Variants in ERGIC1 observed in about 807,000 individuals in gnomAD.
ERGIC1 encodes endoplasmic reticulum-golgi intermediate compartment 1, also known as endoplasmic reticulum-Golgi intermediate compartment protein 1.
ERGIC1 carries 19 observed loss-of-function variants against 38.3 expected under a neutral mutation model. The observed-to-expected ratio is 0.50, with a 90% CI of 0.35 to 0.73. The LOEUF is 0.73. ERGIC1 is among the 30% of genes least tolerant of loss of function. The probability of loss-of-function intolerance (pLI) is 0.01; values close to 1 mark genes in which losing one functional copy is unlikely to be tolerated. For missense variants in ERGIC1, 294 were observed against 389.2 expected (o/e 0.76, Z 2.06); for synonymous variants, 124 against 157.6 (o/e 0.79, Z 1.60).
intron 9 of ERGIC1, chr5:172,937,075 G>C (rs1763900776): frequency 6.6e-6 from 1 of 152,142 alleles, no homozygotes; most frequent in Non-Finnish European, 1.5e-5. Flanking sequence ...ATGAGCCTCA[G>C]AACAGTTTTT....
In ERGIC1 at chr5:172,952,637, T is replaced by TC. The variant is rs1405398128; in HGVS notation, c.*1825dup. ...AAGGGAAAAAAATGTTTTAGTTCTT[T>TC]CCCCACTCGTTGGGTTCAACTAGAT... is the stretch of plus-strand genomic sequence containing the variant. On this transcript the variant is annotated 3_prime_UTR_variant, in exon 10 of 10. Coordinates refer to ENST00000393784, the MANE Select transcript of ERGIC1 (RefSeq NM_001031711.3). 1 of 152,114 alleles carries TC rather than the reference T, an allele frequency of 6.6e-6. No homozygotes were observed. The highest frequency in any genetic ancestry group is 1.5e-5 in the Non-Finnish European group (1 of 68,016). 9.4% of individuals were successfully genotyped at this position (152,114 alleles called of 1,614,324 possible). A position where few individuals can be genotyped will look rare whatever the true frequency, so the allele number is the denominator to read the frequency against.
At chr5:172,916,125 C>G (rs1428347021) in intron 5 of ERGIC1, 2 of 153,566 alleles carry the variant, frequency 1.3e-5, no homozygotes, top group African/African-American at 4.8e-5. Flanking sequence ...GCTGGAAGGC[C>G]AGGCCTGGTC....
chr5:172,838,973 G>C (rs1484162027), intron 1 of ERGIC1, among the ~76,000 whole-genome samples: 2 of 152,144 alleles, frequency 1.3e-5, no homozygotes, highest in Non-Finnish European at 2.9e-5. Flanking sequence ...GAGCGCTGTG[G>C]CTCATGCCTG....
At chr5:172,867,589 C>A (rs765730365) in intron 1 of ERGIC1, 3 of 408,286 alleles carry the variant, frequency 7.3e-6, no homozygotes, top group South Asian at 5.1e-5. Flanking sequence ...TCCTAGCCGC[C>A]CCCTGTCCTC....
At chr5:172,866,969 A>T (rs191183096) in intron 1 of ERGIC1, 19 of 347,648 alleles carry the variant, frequency 5.5e-5, no homozygotes, top group Admixed American at 1.4e-4. Flanking sequence ...GAAAAAATGC[A>T]TGAATGTGGA....
In ERGIC1 at chr5:172,951,429, A is replaced by T. The variant is rs1237183517; in HGVS notation, c.*613A>T. On this transcript the variant is annotated 3_prime_UTR_variant, in exon 10 of 10. Transcript: ENST00000393784. ...CTGCCCAACCTAGAACCCAGGCCTCAAGTCTTTACCCCACCCCTTTCTTGT... is the reference window on the plus strand; with the variant it reads ...CTGCCCAACCTAGAACCCAGGCCTCTAGTCTTTACCCCACCCCTTTCTTGT... The T allele has an allele frequency of 6.6e-6, 1 of 152,250 alleles. No homozygotes were observed. Among genetic ancestry groups the T allele is most frequent in the Non-Finnish European group, 1.5e-5 (1 of 68,124 alleles). 9.4% of individuals were successfully genotyped at this position (152,250 alleles called of 1,614,324 possible). A position where few individuals can be genotyped will look rare whatever the true frequency, so the allele number is the denominator to read the frequency against.
rs557008525 is a variant in ERGIC1 at position 172,883,715 on chromosome 5, C to G, written c.21-4984C>G. ...ATGATGCCTGGGCCAGGCACAGTGGCTCATGCCTGTAATCCCAATACTTTG... is the reference window on the plus strand; with the variant it reads ...ATGATGCCTGGGCCAGGCACAGTGGGTCATGCCTGTAATCCCAATACTTTG... On this transcript the variant is annotated intron_variant, in intron 1 of 9. Transcript: ENST00000393784. Among the ~76,000 whole-genome samples, 4 of 152,330 alleles carry G rather than the reference C, an allele frequency of 2.6e-5. No individual in the cohort carries two copies. In the South Asian group the frequency reaches 8.3e-4, roughly 32 times the overall value.
chr5:172,924,023 G>A lies in ERGIC1; in HGVS notation c.394G>A (p.Val132Met), dbSNP rs183246461. 2.1e-4 allele frequency: 336 copies of A among 1,614,120 alleles called. No homozygotes were observed. The highest frequency in any genetic ancestry group is 2.7e-4 in the Non-Finnish European group (324 of 1,180,030). Residue 132 changes from valine (V) to methionine (M), a missense_variant, in exon 6 of 10, where the codon GTG becomes ATG. Around this residue, in one of 3 missense-constraint regions of ERGIC1, gnomAD observed 163 missense variants for 225.8 expected, o/e 0.72. Transcript: ENST00000393784. Reference protein sequence around the residue: ...SINKVPGNFHVSTHSATAQPQ... With the variant: ...SINKVPGNFHMSTHSATAQPQ... ...CCCCCAGGTCCCCGGCAACTTCCAC[G>A]TGTCCACACACAGTGCCACAGCCCA...
chr5:172,872,697 C>T (rs1762046401), intron 1 of ERGIC1, among the ~76,000 whole-genome samples: 1 of 152,172 alleles, frequency 6.6e-6, no homozygotes, highest in Non-Finnish European at 1.5e-5. Context: ...TGCCTGTAAT[C>T]TCAGCTACTC....
At chr5:172,923,864 C>T in intron 5 of ERGIC1, 141 bp from the exon 6 acceptor site, 5 of 733,724 alleles carry the variant, frequency 6.8e-6, no homozygotes, top group Non-Finnish European at 1.2e-5. Flanking sequence ...CTCCTTTGCA[C>T]AGTTGAAAAT....
intron 7 of ERGIC1, among the ~76,000 whole-genome samples, chr5:172,931,511 G>A (rs1031772233): frequency 2.8e-4 from 43 of 152,178 alleles, no homozygotes; most frequent in African/African-American, 7.7e-4. Context: ...CTGATCTGCC[G>A]TTGATTTCTT....
At chr5:172,842,109 C>T (rs1761176326) in intron 1 of ERGIC1, among the ~76,000 whole-genome samples, 1 of 152,184 alleles carries the variant, frequency 6.6e-6, no homozygotes, top group Non-Finnish European at 1.5e-5. Flanking sequence ...TGCAATGGCG[C>T]AATCTCGGCT....
intron 9 of ERGIC1, among the ~76,000 whole-genome samples, chr5:172,939,477 C>T (rs973734302): frequency 2.4e-4 from 37 of 152,230 alleles, no homozygotes; most frequent in Non-Finnish European, 4.1e-4. Context: ...CCCAGTGAGC[C>T]GCTGACCTTC....
chr5:172,914,705 C>T lies in ERGIC1; in HGVS notation c.251-9C>T, dbSNP rs1316945745. On this transcript the variant is annotated splice_polypyrimidine_tract_variant and intron_variant, in intron 4 of 9. Transcript: ENST00000393784. ...GTTTGTGACTGTTGTCTCCCTTTGG[C>T]TCCTGCAGTGGTTGGGCTTGACATT... The T allele has an allele frequency of 6.2e-7, 1 of 1,614,034 alleles. No individual in the cohort carries two copies.
Position 172,926,458 on chromosome 5 carries a change from C to CTGGAGG in ERGIC1, c.481-42_481-37dup, listed in dbSNP as rs765742961. On this transcript the variant is annotated intron_variant, in intron 6 of 9. Transcript: ENST00000393784. The surrounding 1 kb of genome is among the most constrained non-coding windows in gnomAD (Gnocchi z 5.2). ...CCATCCCCCACAACCAGGGCCAGGC[C>CTGGAGG]TGGAGGTGGAGGTGTCCTGGGGACC... 2.5e-6 allele frequency: 4 copies of CTGGAGG among 1,608,618 alleles called. No individual in the cohort carries two copies. In the Admixed American group the frequency reaches 6.7e-5, roughly 27 times the overall value.
chr5:172,836,325 T>C (rs1224436751), intron 1 of ERGIC1, among the ~76,000 whole-genome samples: 2 of 152,144 alleles, frequency 1.3e-5, no homozygotes, highest in Non-Finnish European at 2.9e-5. Flanking sequence ...GTGTCAGGCA[T>C]TGATATTTAA....
At chr5:172,884,098 G>A (rs13189500) in intron 1 of ERGIC1, among the ~76,000 whole-genome samples, 87,305 of 151,994 alleles carry the variant, frequency 0.57, 27,473 homozygotes, top group East Asian at 0.71. Context: ...TCAATATCCT[G>A]TCTTTATCAA....
chr5:172,914,420 CTG>C, intron 4 of ERGIC1: 1 of 514,804 alleles, frequency 1.9e-6, no homozygotes, highest in Non-Finnish European at 3.5e-6. Context: ...GAGAAAGAAA[CTG>C]AGGCATCCAG....
intron 1 of ERGIC1, among the ~76,000 whole-genome samples, chr5:172,856,258 C>CA (rs1761545723): frequency 6.6e-6 from 1 of 152,198 alleles, no homozygotes; most frequent in Non-Finnish European, 1.5e-5. Context: ...ACGCCAGGCC[C>CA]AGGCAGGTGG....
Sources: gnomAD v4.1 joint callset for allele counts (sites outside exome capture counted in the v4.1 genomes callset) on GRCh38, gnomAD v4.1.1 for gene constraint, gnomAD v4.1.1 regional missense constraint, Gnocchi (gnomAD v3.1) non-coding constraint, MANE v1.5 for transcripts, NCBI Gene and HGNC (gene_info 2026-07-23, HGNC 2026-07-21) for gene names.